The following APLNR variants were observed in gnomAD, a reference collection of about 807,000 sequenced individuals.
APLNR encodes the protein APJ (apelin) receptor.
Under a neutral mutation model 23.4 loss-of-function variants are expected in APLNR, and 13 were observed. The observed-to-expected ratio is 0.56, with a 90% CI of 0.36 to 0.88. APLNR has a LOEUF of 0.88. Among genes scored for constraint, APLNR ranks in the 40% least tolerant of loss-of-function variants. The probability of loss-of-function intolerance (pLI) is 0.01; values close to 1 mark genes in which losing one functional copy is unlikely to be tolerated. For synonymous variants in APLNR, 234 were observed against 211.9 expected (o/e 1.10, Z -0.91); for missense variants, 480 against 517.1 (o/e 0.93, Z 0.70).
chr11:57,235,825 A>T lies in APLNR; in HGVS notation c.*37T>A. ...CAGAAAGCAAGGGCAAAGGCCGGGG[A>T]GGGCCGAGGGCGCCAGGCTTCTCTC... On this transcript the variant is annotated 3_prime_UTR_variant, in exon 1 of 1. Coordinates refer to ENST00000606794, the MANE Select transcript of APLNR (RefSeq NM_005161.6). 1 of 1,559,238 alleles carries T rather than the reference A, an allele frequency of 6.4e-7. No individual in the cohort carries two copies. The highest frequency in any genetic ancestry group is 1.4e-5 in the African/African-American group (1 of 73,446).
rs1855001503 is a variant in APLNR, at chr11:57,235,898, G to A, written c.1107C>T (p.Ser369=). ...CAAGGGTCTCCTGGCTGTAGGGGATGGATTTCTCGTGCATCTGTTCTCCAC... is the reference window on the plus strand; with the variant it reads ...CAAGGGTCTCCTGGCTGTAGGGGATAGATTTCTCGTGCATCTGTTCTCCAC... ...GKGGEQMHEK[S]IPYSQETLVV... is the part of the protein sequence containing the mutation. Residue 369 remains serine (S), a synonymous_variant, in exon 1 of 1, where the codon TCC becomes TCT. Coordinates refer to ENST00000606794, the MANE Select transcript of APLNR (RefSeq NM_005161.6). 1 of 1,613,222 alleles carries A rather than the reference G, an allele frequency of 6.2e-7. No homozygotes were observed. Among genetic ancestry groups the A allele is most frequent in the Admixed American group, 1.7e-5 (1 of 59,956 alleles).
chr11:57,236,848 C>A lies in APLNR; in HGVS notation c.157G>T (p.Val53Leu), dbSNP rs145108815. The A allele has an allele frequency of 1.9e-6, 3 of 1,614,212 alleles. No individual in the cohort carries two copies. In the South Asian group the frequency reaches 3.3e-5, roughly 18 times the overall value. The stretch of plus-strand genomic sequence containing the variant: ...CTCTTCTCCCGGCTGCTCCGAAACA[C>A]GGTCCAGAGCACCAGACCGTTGCCC... The part of the protein sequence containing the change: ...TTGNGLVLWT[V>L]FRSSREKRRS... Residue 53 changes from valine to leucine, a missense_variant, in exon 1 of 1, where the codon GTG becomes TTG. By Grantham distance (32) the Val-to-Leu change is conservative. Transcript: ENST00000606794.
rs1438369024 is a variant in APLNR at position 57,235,621 on chromosome 11, T to A, written c.*241A>T. On this transcript the variant is annotated 3_prime_UTR_variant, in exon 1 of 1. Coordinates refer to ENST00000606794, the MANE Select transcript of APLNR (RefSeq NM_005161.6). ...CCCCATTTCATACCAATGGAGAAAC[T>A]GAGGCTGAGTGAGATTAAATGGCTT... The A allele has an allele frequency of 2.2e-6, 1 of 458,220 alleles. No homozygotes were observed. Among genetic ancestry groups the A allele is most frequent in the Non-Finnish European group, 3.8e-6 (1 of 263,220 alleles). The allele number at this position is 458,220 out of a possible 1,614,324, so 28.4% of individuals were successfully genotyped here.
In APLNR at chr11:57,235,864, A is replaced by G; in HGVS notation, c.1141T>C (p.Ter381GlnextTer21). Residue 381 changes from the stop codon to glutamine, a stop_lost, in exon 1 of 1, where the codon TAG becomes CAG. Transcript: ENST00000606794. Reference protein sequence around the residue: ...PYSQETLVVD* With the variant: ...PYSQETLVVDQ ...CAGGCTTCTCTCTGCTCCCAGCCCTAGTCAACCACAAGGGTCTCCTGGCTG... is the reference window on the plus strand; with the variant it reads ...CAGGCTTCTCTCTGCTCCCAGCCCTGGTCAACCACAAGGGTCTCCTGGCTG... The G allele has an allele frequency of 6.2e-7, 1 of 1,600,312 alleles. No homozygotes were observed. Among genetic ancestry groups the G allele is most frequent in the Non-Finnish European group, 8.5e-7 (1 of 1,172,792 alleles).
In APLNR at chr11:57,235,620, C is replaced by G. The variant is rs913491683; in HGVS notation, c.*242G>C. On this transcript the variant is annotated 3_prime_UTR_variant, in exon 1 of 1. Transcript: ENST00000606794. ...CCCCCATTTCATACCAATGGAGAAA[C>G]TGAGGCTGAGTGAGATTAAATGGCT... is the stretch of plus-strand genomic sequence containing the variant. 1 of 455,694 alleles carries G rather than the reference C, an allele frequency of 2.2e-6. No homozygotes were observed. Among genetic ancestry groups the G allele is most frequent in the African/African-American group, 2.0e-5 (1 of 50,608 alleles). The allele number at this position is 455,694 out of a possible 1,614,324, so 28.2% of individuals were successfully genotyped here.
Position 57,236,055 on chromosome 11 carries a change from C to A in APLNR, c.950G>T (p.Arg317Leu), listed in dbSNP as rs200854787. The A allele has an allele frequency of 1.9e-6, 3 of 1,614,160 alleles. No homozygotes were observed. Among genetic ancestry groups the A allele is most frequent in the Non-Finnish European group, 2.5e-6 (3 of 1,180,006 alleles). The change falls in exon 1 of 1, where the codon CGC becomes CTC. Residue 317 changes from arginine (R) to leucine (L), a missense_variant. Physicochemically the swap from Arg to Leu is moderately radical, Grantham distance 102. Transcript: ENST00000606794. ...FLYAFFDPRF[R>L]QACTSMLCCG... ...GCAGAGCATGGAGGTGCAGGCCTGG[C>A]GGAAGCGGGGGTCGAAAAAGGCATA...
At position 57,235,507 on chromosome 11, in the gene APLNR, G is replaced by A. The variant is rs139642553; in HGVS notation, c.*355C>T. The stretch of plus-strand genomic sequence containing the variant: ...TACAAGGAAAGAAGGGAGGAAAGAC[G>A]ATTGCAGATCTAAGAAAGCAGCAGA... On this transcript the variant is annotated 3_prime_UTR_variant, in exon 1 of 1. Coordinates refer to ENST00000606794, the MANE Select transcript of APLNR (RefSeq NM_005161.6). 1.1e-4 allele frequency: 21 copies of A among 185,612 alleles called. No homozygotes were observed. Among genetic ancestry groups the A allele is most frequent in the East Asian group, 2.9e-4 (2 of 6,964 alleles). The allele number at this position is 185,612 out of a possible 1,614,324, so 11.5% of individuals were successfully genotyped here. A position where few individuals can be genotyped will look rare whatever the true frequency, so the allele number is the denominator to read the frequency against.
chr11:57,236,345 A>T lies in APLNR; in HGVS notation c.660T>A (p.Cys220Ter). 6.2e-7 allele frequency: 1 copy of T among 1,614,160 alleles called. No individual in the cohort carries two copies. Among genetic ancestry groups the T allele is most frequent in the Non-Finnish European group, 8.5e-7 (1 of 1,180,012 alleles). The change falls in exon 1 of 1, where the codon TGT becomes TGA. Residue 220 changes from cysteine (C) to a stop codon, truncating the protein, a stop_gained. Coordinates refer to ENST00000606794, the MANE Select transcript of APLNR (RefSeq NM_005161.6). LOFTEE classifies it high-confidence loss of function. ...FVVPFTIMLT[C>*]YFFIAQTIAG... Reference sequence around the variant, plus strand: ...CGATGGTTTGGGCGATGAAGAAGTAACAGGTCAGCATGATGGTGAAGGGCA... The same window carrying T: ...CGATGGTTTGGGCGATGAAGAAGTATCAGGTCAGCATGATGGTGAAGGGCA...
rs763688175 is a variant in APLNR at position 57,236,727 on chromosome 11, T to C, written c.278A>G (p.Tyr93Cys). 2.5e-6 allele frequency: 4 copies of C among 1,613,786 alleles called. No homozygotes were observed. The highest frequency in any genetic ancestry group is 3.4e-6 in the Non-Finnish European group (4 of 1,180,024). Residue 93 changes from tyrosine to cysteine, a missense_variant, in exon 1 of 1, where the codon TAT becomes TGT. Transcript: ENST00000606794. The part of the protein sequence containing the change: ...PLWATYTYRD[Y>C]DWPFGTFFCK... ...GAAGAAGGTCCCAAAGGGCCAGTCA[T>C]AGTCCCGGTACGTGTAGGTAGCCCA...
chr11:57,236,090 G>A lies in APLNR; in HGVS notation c.915C>T (p.Asn305=), dbSNP rs2135371479. The A allele has an allele frequency of 1.2e-6, 2 of 1,614,260 alleles. No homozygotes were observed. The highest frequency in any genetic ancestry group is 1.1e-5 in the South Asian group (1 of 91,084). The change falls in exon 1 of 1, where the codon AAC becomes AAT. Residue 305 remains asparagine, a synonymous_variant. Transcript: ENST00000606794. ...GGTCGAAAAAGGCATAGAGGAAGGG[G>A]TTGAGGCAGCTGTTGACGTAGCTGA... is the stretch of plus-strand genomic sequence containing the variant. ...TCISYVNSCL[N]PFLYAFFDPR...
rs984354870 is a variant in APLNR at position 57,236,087 on chromosome 11, G to A, written c.918C>T (p.Pro306=). The change falls in exon 1 of 1, where the codon CCC becomes CCT. Residue 306 remains proline, a synonymous_variant. Coordinates refer to ENST00000606794, the MANE Select transcript of APLNR (RefSeq NM_005161.6). ...GGGGGTCGAAAAAGGCATAGAGGAA[G>A]GGGTTGAGGCAGCTGTTGACGTAGC... ...CISYVNSCLN[P]FLYAFFDPRF... is the part of the protein sequence containing the mutation. The A allele has an allele frequency of 1.2e-6, 2 of 1,614,154 alleles. No homozygotes were observed. The highest frequency in any genetic ancestry group is 2.2e-5 in the East Asian group (1 of 44,894).
rs777561476 is a variant in APLNR, at chr11:57,236,056, G to A, written c.949C>T (p.Arg317Cys). The change falls in exon 1 of 1, where the codon CGC becomes TGC. Residue 317 changes from arginine to cysteine, a missense_variant. By Grantham distance (180) the Arg-to-Cys change is radical. Transcript: ENST00000606794. Reference sequence around the variant, plus strand: ...CAGAGCATGGAGGTGCAGGCCTGGCGGAAGCGGGGGTCGAAAAAGGCATAG... The same window carrying A: ...CAGAGCATGGAGGTGCAGGCCTGGCAGAAGCGGGGGTCGAAAAAGGCATAG... Reference protein sequence around the residue: ...FLYAFFDPRFRQACTSMLCCG... With the variant: ...FLYAFFDPRFCQACTSMLCCG... 169 of 1,614,120 alleles carry A rather than the reference G, an allele frequency of 1.0e-4. No individual in the cohort carries two copies. Among genetic ancestry groups the A allele is most frequent in the Admixed American group, 1.3e-4 (8 of 60,006 alleles).
In APLNR at chr11:57,236,689, T is replaced by C. The variant is rs773442045; in HGVS notation, c.316A>G (p.Ser106Gly). The change falls in exon 1 of 1, where the codon AGC becomes GGC. Residue 106 changes from serine to glycine, a missense_variant. Transcript: ENST00000606794. ...TACATGTTGACGAAGATGAGGTAGC[T>C]GCTGAGCTTGCAGAAGAAGGTCCCA... ...PFGTFFCKLS[S>G]YLIFVNMYAS... The C allele has an allele frequency of 6.2e-7, 1 of 1,611,698 alleles. No homozygotes were observed. The highest frequency in any genetic ancestry group is 8.5e-7 in the Non-Finnish European group (1 of 1,179,852).
Position 57,236,527 on chromosome 11 carries a change from G to A in APLNR, c.478C>T (p.Leu160=), listed in dbSNP as rs1237794048. The A allele has an allele frequency of 1.2e-6, 2 of 1,614,192 alleles. No homozygotes were observed. Among genetic ancestry groups the A allele is most frequent in the African/African-American group, 1.3e-5 (1 of 75,070 alleles). ...CGTAACACCATGACAGGCATGGCCA[G>A]GAGGGCGGCCAGCACCCAAAGAACT... ...TAVLWVLAAL[L]AMPVMVLRTT... The change falls in exon 1 of 1, where the codon CTG becomes TTG. Residue 160 remains leucine, a synonymous_variant. Coordinates refer to ENST00000606794, the MANE Select transcript of APLNR (RefSeq NM_005161.6).
Position 57,234,770 on chromosome 11 carries a change from T to A in APLNR, c.*1092A>T, listed in dbSNP as rs1243827410. The A allele has an allele frequency of 1.3e-5, 2 of 152,198 alleles. No homozygotes were observed. The highest frequency in any genetic ancestry group is 4.8e-5 in the African/African-American group (2 of 41,416). 9.4% of individuals were successfully genotyped at this position (152,198 alleles called of 1,614,324 possible). On this transcript the variant is annotated 3_prime_UTR_variant, in exon 1 of 1. Transcript: ENST00000606794. ...CACACACAGACAAGAGGCAGGCATC[T>A]CCATCCCAAACAACATGATTCTTGG...
In APLNR at chr11:57,237,242, A is replaced by T. The variant is rs985298255; in HGVS notation, c.-238T>A. 3.8e-6 allele frequency: 2 copies of T among 521,602 alleles called. No individual in the cohort carries two copies. The highest frequency in any genetic ancestry group is 6.9e-6 in the Non-Finnish European group (2 of 289,568). The allele number at this position is 521,602 out of a possible 1,614,324, so 32.3% of individuals were successfully genotyped here. A position where few individuals can be genotyped will look rare whatever the true frequency, so the allele number is the denominator to read the frequency against. ...CCCTCTCTTGCCTTACCCCCGTCTC[A>T]GTTAAGACACTTCCTTGCACCCTCC... is the stretch of plus-strand genomic sequence containing the variant. On this transcript the variant is annotated 5_prime_UTR_variant, in exon 1 of 1. Coordinates refer to ENST00000606794, the MANE Select transcript of APLNR (RefSeq NM_005161.6).
rs367697313 is a variant in APLNR at position 57,236,282 on chromosome 11, C to A, written c.723G>T (p.Arg241=). 1 of 1,614,172 alleles carries A rather than the reference C, an allele frequency of 6.2e-7. No homozygotes were observed. The highest frequency in any genetic ancestry group is 8.5e-7 in the Non-Finnish European group (1 of 1,180,018). The part of the protein sequence containing the change: ...HFRKERIEGL[R]KRRRLLSIIV... The stretch of plus-strand genomic sequence containing the variant: ...TGATGCTGAGCAGCCGGCGCCGCTT[C>A]CGCAGGCCCTCGATGCGTTCCTTGC... The change falls in exon 1 of 1, where the codon CGG becomes CGT. Residue 241 remains arginine, a synonymous_variant. Coordinates refer to ENST00000606794, the MANE Select transcript of APLNR (RefSeq NM_005161.6).
In APLNR at chr11:57,235,282, A is replaced by G. The variant is rs1041951908; in HGVS notation, c.*580T>C. On this transcript the variant is annotated 3_prime_UTR_variant, in exon 1 of 1. Coordinates refer to ENST00000606794, the MANE Select transcript of APLNR (RefSeq NM_005161.6). ...GGCCCCAGCCCATTCCCTGCCTCAC[A>G]CTCAGAAAACAGGATAGAAAGCTTA... is the stretch of plus-strand genomic sequence containing the variant. 2 of 150,360 alleles carry G rather than the reference A, an allele frequency of 1.3e-5. No individual in the cohort carries two copies. The highest frequency in any genetic ancestry group is 4.9e-5 in the African/African-American group (2 of 40,908). 9.3% of individuals were successfully genotyped at this position (150,360 alleles called of 1,614,324 possible).
chr11:57,236,031 C>T lies in APLNR; in HGVS notation c.974G>A (p.Cys325Tyr). Residue 325 changes from cysteine (C) to tyrosine (Y), a missense_variant, in exon 1 of 1, where the codon TGC becomes TAC. Coordinates refer to ENST00000606794, the MANE Select transcript of APLNR (RefSeq NM_005161.6). ...GCCTGCGCACCTGCTCTGGCCACAG[C>T]AGAGCATGGAGGTGCAGGCCTGGCG... ...RFRQACTSML[C>Y]CGQSRCAGTS... 4 of 1,614,264 alleles carry T rather than the reference C, an allele frequency of 2.5e-6. No individual in the cohort carries two copies. The highest frequency in any genetic ancestry group is 3.4e-6 in the Non-Finnish European group (4 of 1,180,050).
Sources: allele counts gnomAD v4.1 joint callset, GRCh38; gene constraint gnomAD v4.1.1; transcripts MANE v1.5; gene names NCBI Gene and HGNC (gene_info 2026-07-23, HGNC 2026-07-21).